Variants in RIC3 observed in about 807,000 individuals in gnomAD.
The protein encoded by RIC3 is protein RIC-3.
RIC3 carries 28 observed loss-of-function variants against 27.3 expected under a neutral mutation model. The observed-to-expected ratio is 1.02, with a 90% CI of 0.76 to 1.41. The LOEUF is 1.41. RIC3 is among the 40% of genes most tolerant of loss of function. The probability of loss-of-function intolerance (pLI) is 0.00; values close to 1 mark genes in which losing one functional copy is unlikely to be tolerated. For synonymous variants in RIC3, 184 were observed against 160.4 expected, an observed-to-expected ratio of 1.15 and a Z score of -1.11; for missense variants, 501 against 444.7, an observed-to-expected ratio of 1.13 and a Z score of -1.14.
rs191533344 is a variant in RIC3, at chr11:8,134,769, T to C, written c.521+2609A>G. On this transcript the variant is annotated intron_variant, in intron 4 of 5. Coordinates refer to ENST00000309737, the MANE Select transcript of RIC3 (RefSeq NM_001206671.4). Reference sequence around the variant, plus strand: ...CAGTGATGATGAGCATTTTTTCATGTGTCTTTTGGCTGCATAAATGTCTTC... The same window carrying C: ...CAGTGATGATGAGCATTTTTTCATGCGTCTTTTGGCTGCATAAATGTCTTC... Among the ~76,000 whole-genome samples, 961 of 152,330 alleles carry C rather than the reference T, an allele frequency of 6.3e-3. 12 individuals are homozygous for C. The highest frequency in any genetic ancestry group is 0.022 in the African/African-American group (935 of 41,560).
chr11:8,158,663 C>A (rs1434112928), intron 1 of RIC3, among the ~76,000 whole-genome samples: 1 of 149,466 alleles, frequency 6.7e-6, no homozygotes, highest in Non-Finnish European at 1.5e-5. Context: ...AGAATGAGAT[C>A]TTAGTGTTTC....
chr11:8,093,893 C>T, the RIC3 span, among the ~76,000 whole-genome samples: 2 of 152,098 alleles, frequency 1.3e-5, no homozygotes, highest in Non-Finnish European at 2.9e-5. Flanking sequence ...GATGAGTGGG[C>T]CTGATCCTGT....
At chr11:8,139,777 GA>G in intron 2 of RIC3, 189 bp downstream of exon 2, 1 of 562,724 alleles carries the variant, frequency 1.8e-6, no homozygotes, top group Non-Finnish European at 3.1e-6. Context: ...CTTAAACATT[GA>G]GTAAACATTT....
chr11:8,135,646 T>C (rs1404539170), intron 4 of RIC3: 2 of 152,228 alleles, frequency 1.3e-5, no homozygotes, highest in Admixed American at 1.3e-4. Flanking sequence ...GTTTGTATCC[T>C]CTTTTATTTC....
rs1252126438 is a variant in RIC3, at chr11:8,108,112, G to C, written c.*2586C>G. 1.3e-5 allele frequency: 2 copies of C among 152,098 alleles called. No homozygotes were observed. The highest frequency in any genetic ancestry group is 2.9e-5 in the Non-Finnish European group (2 of 68,024). The allele number at this position is 152,098 out of a possible 1,614,324, so 9.4% of individuals were successfully genotyped here. A position where few individuals can be genotyped will look rare whatever the true frequency, so the allele number is the denominator to read the frequency against. ...TATTCCTTATATATAAACCAACCAA[G>C]AGCTAGGGCAGGAAGAACCACCATA... On this transcript the variant is annotated 3_prime_UTR_variant, in exon 6 of 6. Coordinates refer to ENST00000309737, the MANE Select transcript of RIC3 (RefSeq NM_001206671.4).
At chr11:8,157,778 G>A (rs1950800774) in intron 1 of RIC3, among the ~76,000 whole-genome samples, 1 of 152,100 alleles carries the variant, frequency 6.6e-6, no homozygotes, top group African/African-American at 2.4e-5. Flanking sequence ...CAATTTTATA[G>A]TTTCTAGAAT....
At chr11:8,147,594 A>G (rs1034237488) in intron 1 of RIC3, among the ~76,000 whole-genome samples, 3 of 152,170 alleles carry the variant, frequency 2.0e-5, no homozygotes, top group Non-Finnish European at 2.9e-5. Flanking sequence ...CTTATTTGTT[A>G]TGTGAAGTTA....
chr11:8,145,072 C>T (rs1249851062), intron 1 of RIC3, among the ~76,000 whole-genome samples: 2 of 143,146 alleles, frequency 1.4e-5, no homozygotes, highest in Admixed American at 7.0e-5. Flanking sequence ...GGAGATATAC[C>T]TAATGCTAGA....
intron 1 of RIC3, among the ~76,000 whole-genome samples, chr11:8,165,782 GTT>G (rs776849209): frequency 1.1e-5 from 1 of 87,558 alleles, no homozygotes; most frequent in South Asian, 3.9e-4. Flanking sequence ...TTTTTGTTTT[GTT>G]TTGTTTTTTT....
Position 8,141,036 on chromosome 11 carries a change from A to C in RIC3, c.125-843T>G, listed in dbSNP as rs1240352842. Reference sequence around the variant, plus strand: ...TAAAAGAGCTCCTGAAGGAAGCGCTAAACATGGAAAGGAACAACCGGTACC... The same window carrying C: ...TAAAAGAGCTCCTGAAGGAAGCGCTCAACATGGAAAGGAACAACCGGTACC... On this transcript the variant is annotated intron_variant, in intron 1 of 5. Transcript: ENST00000309737. Among the ~76,000 whole-genome samples, 17 of 150,006 alleles carry C rather than the reference A, an allele frequency of 1.1e-4. No homozygotes were observed. The East Asian group carries it at 1.2e-3, about 10-fold the overall frequency.
At chr11:8,132,962 C>A (rs1947913370) in intron 4 of RIC3, among the ~76,000 whole-genome samples, 1 of 152,168 alleles carries the variant, frequency 6.6e-6, no homozygotes, top group South Asian at 2.1e-4. Context: ...AAACATGGTG[C>A]TATGGTTTGA....
intron 1 of RIC3, among the ~76,000 whole-genome samples, chr11:8,167,505 T>C (rs1408953452): frequency 2.6e-5 from 4 of 152,142 alleles, no homozygotes; most frequent in Admixed American, 1.3e-4. Flanking sequence ...ATGAGAACAC[T>C]GAATACCAAC....
intron 5 of RIC3, among the ~76,000 whole-genome samples, chr11:8,123,101 T>A (rs1458522903): frequency 6.6e-6 from 1 of 151,394 alleles, no homozygotes; most frequent in Non-Finnish European, 1.5e-5. Flanking sequence ...AAACACTGAA[T>A]AAGATTAACA....
chr11:8,101,529 G>T (rs778822103), downstream of RIC3: 21 of 1,614,238 alleles, frequency 1.3e-5, no homozygotes, highest in Non-Finnish European at 1.6e-5. Flanking sequence ...CAGAGGATGT[G>T]TTCACCATGG....
chr11:8,111,770 C>A (rs1564960082), intron 5 of RIC3, among the ~76,000 whole-genome samples: 1 of 152,202 alleles, frequency 6.6e-6, no homozygotes, highest in Non-Finnish European at 1.5e-5. Context: ...CAAAAGAAAA[C>A]AACAAACTGG....
the RIC3 span, chr11:8,100,375 G>C: frequency 4.1e-6 from 3 of 732,724 alleles, no homozygotes; most frequent in Admixed American, 6.3e-5. Flanking sequence ...TAGGTTTAGA[G>C]GGATGTGTGT....
At chr11:8,120,162 C>T (rs1049350000) in intron 5 of RIC3, among the ~76,000 whole-genome samples, 2 of 152,212 alleles carry the variant, frequency 1.3e-5, no homozygotes, top group Admixed American at 1.3e-4. Context: ...ACTGGAATTA[C>T]TATTTGACCT....
At chr11:8,123,067 G>C (rs1946635147) in intron 5 of RIC3, among the ~76,000 whole-genome samples, 1 of 151,944 alleles carries the variant, frequency 6.6e-6, no homozygotes, top group African/African-American at 2.4e-5. Flanking sequence ...GAAACTTCTA[G>C]AGATGATAAT....
In RIC3 at chr11:8,110,852, T is replaced by C. The variant is rs781178083; in HGVS notation, c.956A>G (p.Asn319Ser). ...GTAGCTATCTGCACTGAATCCAGCA[T>C]TCTCTGCCAAGACAGCAGGATCCTC... is the stretch of plus-strand genomic sequence containing the variant. ...EDEDPAVLAE[N>S]AGFSADSYPE... Residue 319 changes from asparagine (N) to serine (S), a missense_variant, in exon 6 of 6, where the codon AAT becomes AGT. Physicochemically the swap from Asn to Ser is conservative, Grantham distance 46 (BLOSUM62 1). Transcript: ENST00000309737. 3 of 1,614,212 alleles carry C rather than the reference T, an allele frequency of 1.9e-6. No individual in the cohort carries two copies. Among genetic ancestry groups the C allele is most frequent in the African/African-American group, 1.3e-5 (1 of 75,048 alleles).
Sources: gnomAD v4.1 joint callset for allele counts (sites outside exome capture counted in the v4.1 genomes callset) on GRCh38, gnomAD v4.1.1 for gene constraint, MANE v1.5 for transcripts, NCBI Gene and HGNC (gene_info 2026-07-23, HGNC 2026-07-21) for gene names.